APLF: variants seen among roughly 807,000 people sequenced by gnomAD.
APLF encodes aprataxin and PNK-like factor.
In APLF, 61 loss-of-function variants were observed where a neutral mutation model predicts 55.6. The ratio of observed to expected loss-of-function variants is 1.10; its 90% CI spans 0.89 to 1.36. The LOEUF (loss-of-function observed/expected upper bound fraction) is 1.36, where lower values mean the gene tolerates loss of function less well. Ranked by LOEUF, APLF falls within the 40% of genes most tolerant of loss-of-function variation. The pLI is 0.00. For synonymous variants in APLF, 207 were observed against 214.8 expected (o/e 0.96, Z 0.32); for missense variants, 611 against 602.5 (o/e 1.01, Z -0.15).
chr2:68,518,429 T>C (rs1669728643), intron 5 of APLF, among the ~76,000 whole-genome samples: 1 of 112,564 alleles, frequency 8.9e-6, no homozygotes, highest in African/African-American at 3.7e-5. Context: ...TAATAATTTA[T>C]TATATAATAT....
intron 1 of APLF, among the ~76,000 whole-genome samples, chr2:68,479,807 C>T (rs1382164386): frequency 6.6e-6 from 1 of 152,126 alleles, no homozygotes; most frequent in Non-Finnish European, 1.5e-5. Context: ...TTCCCTTCTA[C>T]CTCCTTTACC....
chr2:68,540,524 C>G (rs1043727550), intron 7 of APLF, among the ~76,000 whole-genome samples: 1 of 151,974 alleles, frequency 6.6e-6, no homozygotes, highest in East Asian at 1.9e-4. Context: ...AGGTATATAC[C>G]CAGTAATGGG....
intron 6 of APLF, among the ~76,000 whole-genome samples, chr2:68,526,733 G>C (rs577740022): frequency 2.6e-5 from 4 of 152,174 alleles, no homozygotes; most frequent in East Asian, 3.9e-4. Flanking sequence ...GTGTCACCAG[G>C]CTGGAGCGCA....
chr2:68,565,710 G>A (rs960741626), intron 8 of APLF, among the ~76,000 whole-genome samples: 18 of 151,950 alleles, frequency 1.2e-4, no homozygotes, highest in African/African-American at 4.3e-4. Context: ...AGGAAAAAAT[G>A]CAATATTTTT....
chr2:68,518,622 G>GAATATATAATATGTCAATATATCATT (rs1669750461), intron 5 of APLF, among the ~76,000 whole-genome samples: 1 of 119,226 alleles, frequency 8.4e-6, no homozygotes, highest in Admixed American at 9.7e-5. Flanking sequence ...AATATATCAT[G>GAATATATAATATGTCAATATATCATT]AATATATAAT....
At chr2:68,523,533 T>A (rs966021647) in intron 5 of APLF, among the ~76,000 whole-genome samples, 1 of 151,948 alleles carries the variant, frequency 6.6e-6, no homozygotes, top group Non-Finnish European at 1.5e-5. Flanking sequence ...ATAGGAAAAA[T>A]TGAGAAATAT....
chr2:68,503,625 G>C (rs1676789330), intron 3 of APLF, among the ~76,000 whole-genome samples: 1 of 152,098 alleles, frequency 6.6e-6, no homozygotes, highest in Non-Finnish European at 1.5e-5. Context: ...TTGGGTCAAA[G>C]AGAAGTCATA....
In APLF at chr2:68,579,354, G is replaced by T. The variant is rs1440560510; in HGVS notation, c.*1332G>T. 1.0e-6 allele frequency: 1 copy of T among 974,852 alleles called. No homozygotes were observed. Among genetic ancestry groups the T allele is most frequent in the African/African-American group, 1.8e-5 (1 of 57,004 alleles). 60.4% of individuals were successfully genotyped at this position (974,852 alleles called of 1,614,324 possible). Reference sequence around the variant, plus strand: ...TTATAATGTCCCTTTAGCCTTGGTAGTATAACAAATCTACGAATGTAATAT... The same window carrying T: ...TTATAATGTCCCTTTAGCCTTGGTATTATAACAAATCTACGAATGTAATAT... On this transcript the variant is annotated 3_prime_UTR_variant, in exon 10 of 10. Coordinates refer to ENST00000303795, the MANE Select transcript of APLF (RefSeq NM_173545.3).
intron 1 of APLF, among the ~76,000 whole-genome samples, chr2:68,485,690 G>A (rs1359694272): frequency 6.6e-6 from 1 of 151,710 alleles, no homozygotes; most frequent in Admixed American, 6.6e-5. Flanking sequence ...TTCTGCTTTA[G>A]CTGGCATTCT....
intron 9 of APLF, among the ~76,000 whole-genome samples, chr2:68,570,629 T>C (rs10188426): frequency 0.11 from 16,445 of 152,204 alleles, 1,149 homozygotes; most frequent in African/African-American, 0.19. Context: ...GAACTCATCC[T>C]TTTTTATGGC....
chr2:68,477,093 A>C (rs182589107), intron 1 of APLF, among the ~76,000 whole-genome samples: 93 of 152,306 alleles, frequency 6.1e-4, no homozygotes, highest in African/African-American at 1.9e-3. Context: ...AAAAGGTAAA[A>C]TTTATCAAAA....
At chr2:68,533,055 A>ATC (rs1349873929) in intron 6 of APLF, among the ~76,000 whole-genome samples, 1 of 152,132 alleles carries the variant, frequency 6.6e-6, no homozygotes, top group Non-Finnish European at 1.5e-5. Context: ...AGGAGACCTC[A>ATC]TCTCTAAAAA....
chr2:68,528,185 C>T lies in APLF; in HGVS notation c.804+1943C>T, dbSNP rs536508781. 96 of 767,698 alleles carry T rather than the reference C, an allele frequency of 1.3e-4. 1 individual carries two copies. The highest frequency in any genetic ancestry group is 6.6e-4 in the South Asian group (40 of 60,922). The allele number at this position is 767,698 out of a possible 1,614,324, so 47.6% of individuals were successfully genotyped here. A position where few individuals can be genotyped will look rare whatever the true frequency, so the allele number is the denominator to read the frequency against. ...GTCTCAATCTCTTGACCTCCTGATC[C>T]GCCCACCTGGGCCTCCCAAAGTGCT... On this transcript the variant is annotated intron_variant, in intron 6 of 9. Coordinates refer to ENST00000303795, the MANE Select transcript of APLF (RefSeq NM_173545.3).
chr2:68,570,889 T>G (rs919190251), intron 9 of APLF, among the ~76,000 whole-genome samples: 4 of 152,220 alleles, frequency 2.6e-5, no homozygotes, highest in African/African-American at 9.6e-5. Flanking sequence ...CCACAATGGT[T>G]GAACTAGTTT....
At chr2:68,542,523 C>G (rs374072221) in intron 7 of APLF, among the ~76,000 whole-genome samples, 73 of 151,088 alleles carry the variant, frequency 4.8e-4, no homozygotes, top group African/African-American at 1.8e-3. Context: ...AGATAATATA[C>G]AAATGACCAA....
At chr2:68,480,112 T>C (rs1021432625) in intron 1 of APLF, among the ~76,000 whole-genome samples, 6 of 152,154 alleles carry the variant, frequency 3.9e-5, no homozygotes, top group African/African-American at 1.4e-4. Context: ...TAGTTAAGTT[T>C]TGGGGGAGTC....
intron 5 of APLF, among the ~76,000 whole-genome samples, chr2:68,525,693 T>C (rs1461850125): frequency 6.6e-6 from 1 of 151,654 alleles, no homozygotes; most frequent in African/African-American, 2.4e-5. Context: ...TTACTATAAA[T>C]GGACCTTTAA....
chr2:68,470,881 G>A (rs1013580739), intron 1 of APLF, among the ~76,000 whole-genome samples: 4 of 152,218 alleles, frequency 2.6e-5, no homozygotes, highest in Admixed American at 1.3e-4. Context: ...GGTGGCATCA[G>A]TTCACCACTT....
chr2:68,490,079 T>C, intron 1 of APLF, 111 bp from the exon 2 acceptor site: 1 of 591,332 alleles, frequency 1.7e-6, no homozygotes. Context: ...ATATATTTCA[T>C]ATCTAGTCTA....
Sources: gnomAD v4.1 joint callset for allele counts (sites outside exome capture counted in the v4.1 genomes callset) on GRCh38, gnomAD v4.1.1 for gene constraint, MANE v1.5 for transcripts, NCBI Gene and HGNC (gene_info 2026-07-23, HGNC 2026-07-21) for gene names.